CNBD1: variants seen among roughly 807,000 people sequenced by gnomAD.
The protein encoded by CNBD1 is cyclic nucleotide-binding domain-containing protein 1.
CNBD1 carries 71 observed loss-of-function variants against 54.4 expected under a neutral mutation model. The observed-to-expected ratio is 1.30, with a 90% CI of 1.08 to 1.59. The LOEUF is 1.59. Ranked by LOEUF, CNBD1 falls within the 40% of genes most tolerant of loss-of-function variation. The pLI is 0.00. For synonymous variants in CNBD1, 182 were observed against 170.7 expected, an observed-to-expected ratio of 1.07 and a Z score of -0.51; for missense variants, 659 against 518.0, an observed-to-expected ratio of 1.27 and a Z score of -2.64.
At chr8:86,868,690 C>T (rs1314274424) in intron 1 of CNBD1, among the ~76,000 whole-genome samples, 1 of 152,096 alleles carries the variant, frequency 6.6e-6, no homozygotes, top group Non-Finnish European at 1.5e-5. Context: ...AGTATGTAAA[C>T]ATTTAGCACG....
At chr8:87,264,349 T>C (rs1196196312) in intron 6 of CNBD1, among the ~76,000 whole-genome samples, 1 of 152,158 alleles carries the variant, frequency 6.6e-6, no homozygotes, top group Non-Finnish European at 1.5e-5. Context: ...TATGGCTGCA[T>C]AGTATTCCAT....
chr8:87,005,165 T>C (rs933088575), intron 4 of CNBD1, among the ~76,000 whole-genome samples: 1 of 151,604 alleles, frequency 6.6e-6, no homozygotes, highest in East Asian at 1.9e-4. Flanking sequence ...GGGTGGATCA[T>C]GAGGTCAGGA....
chr8:87,322,462 C>A (rs1809557999), intron 8 of CNBD1, among the ~76,000 whole-genome samples: 1 of 122,026 alleles, frequency 8.2e-6, no homozygotes. Flanking sequence ...CTCTCTAACA[C>A]CTGTTGTTTC....
chr8:87,382,684 T>C lies in CNBD1; in HGVS notation c.*57T>C. 1.5e-6 allele frequency: 2 copies of C among 1,294,446 alleles called. No homozygotes were observed. The highest frequency in any genetic ancestry group is 2.5e-5 in the East Asian group (1 of 39,350). The allele number at this position is 1,294,446 out of a possible 1,614,324, so 80.2% of individuals were successfully genotyped here. A position where few individuals can be genotyped will look rare whatever the true frequency, so the allele number is the denominator to read the frequency against. The stretch of plus-strand genomic sequence containing the variant: ...AGAAAGTATTGACTAAATAATGGAA[T>C]AATTGCATTCTGGAATACTATCAAA... On this transcript the variant is annotated 3_prime_UTR_variant, in exon 11 of 11. Transcript: ENST00000518476.
chr8:87,097,339 C>G (rs1349843908), intron 4 of CNBD1, among the ~76,000 whole-genome samples: 1 of 152,078 alleles, frequency 6.6e-6, no homozygotes, highest in South Asian at 2.1e-4. Flanking sequence ...AACTGAGGTT[C>G]GTAGTTTATG....
At chr8:86,993,162 T>G (rs1403696983) in intron 4 of CNBD1, among the ~76,000 whole-genome samples, 1 of 152,086 alleles carries the variant, frequency 6.6e-6, no homozygotes, top group African/African-American at 2.4e-5. Flanking sequence ...TTAAAATTGT[T>G]TTTTCTTTAT....
intron 4 of CNBD1, among the ~76,000 whole-genome samples, chr8:87,168,845 G>A (rs1813026248): frequency 6.6e-6 from 1 of 152,038 alleles, no homozygotes; most frequent in Non-Finnish European, 1.5e-5. Context: ...GGACACTTCA[G>A]TTGCTCCCTA....
chr8:87,294,759 A>G (rs1232284930), intron 8 of CNBD1, among the ~76,000 whole-genome samples: 2 of 152,154 alleles, frequency 1.3e-5, no homozygotes, highest in Non-Finnish European at 2.9e-5. Flanking sequence ...AATGTTCCCA[A>G]GGCTTCTTAT....
At chr8:87,003,997 A>G (rs958482241) in intron 4 of CNBD1, among the ~76,000 whole-genome samples, 1 of 152,240 alleles carries the variant, frequency 6.6e-6, no homozygotes, top group Non-Finnish European at 1.5e-5. Context: ...GAATGAATCT[A>G]GTAACACACA....
intron 4 of CNBD1, among the ~76,000 whole-genome samples, chr8:87,003,561 C>T (rs73271787): frequency 0.035 from 5,357 of 152,190 alleles, 315 homozygotes; most frequent in African/African-American, 0.12. Context: ...AAAACTTTAT[C>T]AGTCAAATAG....
chr8:86,975,270 A>G (rs749055781), intron 4 of CNBD1, among the ~76,000 whole-genome samples: 1 of 151,980 alleles, frequency 6.6e-6, no homozygotes, highest in Non-Finnish European at 1.5e-5. Context: ...CACTCTTTTT[A>G]GCAATTTAAA....
At chr8:87,129,904 A>T (rs1352922569) in intron 4 of CNBD1, among the ~76,000 whole-genome samples, 1 of 152,204 alleles carries the variant, frequency 6.6e-6, no homozygotes, top group Non-Finnish European at 1.5e-5. Flanking sequence ...TAATTGACCT[A>T]CAGATTCACG....
chr8:87,347,153 A>G (rs1021833834), intron 8 of CNBD1, among the ~76,000 whole-genome samples: 2 of 152,148 alleles, frequency 1.3e-5, no homozygotes, highest in Admixed American at 6.6e-5. Context: ...ACAACTGTAC[A>G]CTTTCTTTTT....
rs188847097 is a variant in CNBD1, at chr8:87,005,537, A to G, written c.431+65783A>G. On this transcript the variant is annotated intron_variant, in intron 4 of 10. Transcript: ENST00000518476. ...TCAGAAATGAAACATTAATTCCATA[A>G]TTCGTATCCATGTTTTTGCACTTCT... Among the ~76,000 whole-genome samples, 352 of 152,016 alleles carry G rather than the reference A, an allele frequency of 2.3e-3. 5 individuals carry two copies. In the Middle Eastern group the frequency reaches 0.051, roughly 22 times the overall value.
intron 4 of CNBD1, among the ~76,000 whole-genome samples, chr8:87,133,692 A>G (rs1183228297): frequency 7.0e-6 from 1 of 142,822 alleles, no homozygotes; most frequent in East Asian, 2.0e-4. Flanking sequence ...AACCTCTTTT[A>G]AAGTAAAAAA....
chr8:87,100,950 A>G lies in CNBD1; in HGVS notation c.432-105043A>G, dbSNP rs377261677. Reference sequence around the variant, plus strand: ...CCCATGTAGGGAAGATTCCAATTTTAGTAAAACCAGCATCCAGAAAGAGAA... The same window carrying G: ...CCCATGTAGGGAAGATTCCAATTTTGGTAAAACCAGCATCCAGAAAGAGAA... On this transcript the variant is annotated intron_variant, in intron 4 of 10. Coordinates refer to ENST00000518476, the MANE Select transcript of CNBD1 (RefSeq NM_173538.3). 3.9e-5 allele frequency among the ~76,000 whole-genome samples: 6 copies of G among 152,354 alleles called. No individual in the cohort carries two copies. The South Asian group carries it at 1.2e-3, about 32-fold the overall frequency.
chr8:87,251,648 A>G (rs1459104614), intron 6 of CNBD1, among the ~76,000 whole-genome samples: 1 of 151,724 alleles, frequency 6.6e-6, no homozygotes, highest in Admixed American at 6.6e-5. Context: ...TCTAGGTACC[A>G]TTTAGGATTT....
intron 4 of CNBD1, among the ~76,000 whole-genome samples, chr8:87,080,570 CA>C (rs201765591): frequency 0.012 from 1,448 of 116,430 alleles, 20 homozygotes; most frequent in African/African-American, 0.031. Flanking sequence ...AGCTCCATCT[CA>C]AAAAAAAAAA....
At chr8:87,365,888 A>G (rs1810632105) in intron 10 of CNBD1, among the ~76,000 whole-genome samples, 1 of 152,064 alleles carries the variant, frequency 6.6e-6, no homozygotes. Flanking sequence ...CACATTCTTT[A>G]TTATTTGTTC....
Sources: allele counts gnomAD v4.1 joint callset (sites outside exome capture counted in the v4.1 genomes callset), GRCh38; gene constraint gnomAD v4.1.1; transcripts MANE v1.5; gene names NCBI Gene and HGNC (gene_info 2026-07-23, HGNC 2026-07-21).